SLC24A2: variants seen among roughly 807,000 people sequenced by gnomAD.
SLC24A2 encodes sodium/potassium/calcium exchanger 2.
Under a neutral mutation model 62.0 loss-of-function variants are expected in SLC24A2, and 36 were observed. The ratio of observed to expected loss-of-function variants is 0.58; its 90% CI spans 0.44 to 0.77. SLC24A2 has a LOEUF of 0.77. SLC24A2 is among the 30% of genes least tolerant of loss of function. The pLI is 0.00. For synonymous variants in SLC24A2, 358 were observed against 294.0 expected, an observed-to-expected ratio of 1.22 and a Z score of -2.23; for missense variants, 846 against 817.9, an observed-to-expected ratio of 1.03 and a Z score of -0.42.
At chr9:19,597,563 AT>A (rs1836735240) in intron 4 of SLC24A2, among the ~76,000 whole-genome samples, 1 of 152,208 alleles carries the variant, frequency 6.6e-6, no homozygotes, top group Non-Finnish European at 1.5e-5. Flanking sequence ...TTTGGCAAAG[AT>A]AACTTCACCC....
At chr9:20,039,369 A>C in the SLC24A2 span, among the ~76,000 whole-genome samples, 4 of 152,096 alleles carry the variant, frequency 2.6e-5, no homozygotes, top group African/African-American at 9.7e-5. Context: ...GGGATGCGGC[A>C]GCTGGCAGCA....
chr9:20,127,200 C>T, the SLC24A2 span, among the ~76,000 whole-genome samples: 1 of 152,106 alleles, frequency 6.6e-6, no homozygotes, highest in African/African-American at 2.4e-5. Flanking sequence ...TGTTTCCTCT[C>T]TCCTTCATTC....
At chr9:20,261,813 C>T in the SLC24A2 span, among the ~76,000 whole-genome samples, 2 of 133,254 alleles carry the variant, frequency 1.5e-5, no homozygotes. Context: ...GATCTCGGCT[C>T]ACTGCAAGCT....
Position 19,770,877 on chromosome 9 carries a change from A to C in SLC24A2, c.930+15060T>G, listed in dbSNP as rs562611321. ...TAAGATGGTAAAAAACAGCTCTTTAAATTTCTGTAACCCAACTCTTAGACT... is the reference window on the plus strand; with the variant it reads ...TAAGATGGTAAAAAACAGCTCTTTACATTTCTGTAACCCAACTCTTAGACT... On this transcript the variant is annotated intron_variant, in intron 2 of 10. Coordinates refer to ENST00000341998, the MANE Select transcript of SLC24A2 (RefSeq NM_020344.4). Among the ~76,000 whole-genome samples the C allele has an allele frequency of 4.6e-5, 7 of 152,270 alleles. No individual in the cohort carries two copies. The South Asian group carries it at 1.5e-3, about 32-fold the overall frequency.
chr9:19,794,404 G>A, the SLC24A2 span, among the ~76,000 whole-genome samples: 2 of 152,020 alleles, frequency 1.3e-5, no homozygotes, highest in Non-Finnish European at 2.9e-5. Context: ...TAAACATCAG[G>A]TACACATGGA....
the SLC24A2 span, among the ~76,000 whole-genome samples, chr9:19,907,771 T>C: frequency 1.3e-5 from 2 of 152,106 alleles, no homozygotes; most frequent in East Asian, 1.9e-4. Context: ...GGAACCCAAC[T>C]TACAAGGGAT....
At chr9:20,249,121 T>A in the SLC24A2 span, among the ~76,000 whole-genome samples, 1 of 152,330 alleles carries the variant, frequency 6.6e-6, no homozygotes, top group South Asian at 2.1e-4. Flanking sequence ...GGTAAGTTGA[T>A]TAATCTCTCT....
intron 8 of SLC24A2, among the ~76,000 whole-genome samples, chr9:19,529,222 G>C (rs570447118): frequency 2.6e-5 from 4 of 152,222 alleles, no homozygotes; most frequent in African/African-American, 7.2e-5. Flanking sequence ...GAATTTTAGA[G>C]TTGACTTGTA....
At chr9:19,526,241 CCATT>C (rs1278863120) in intron 9 of SLC24A2, among the ~76,000 whole-genome samples, 1 of 152,188 alleles carries the variant, frequency 6.6e-6, no homozygotes, top group Admixed American at 6.5e-5. Flanking sequence ...TTTTGCTTAT[CCATT>C]CATCAGTTGA....
chr9:20,289,617 C>A, the SLC24A2 span, among the ~76,000 whole-genome samples: 1 of 152,198 alleles, frequency 6.6e-6, no homozygotes, highest in Non-Finnish European at 1.5e-5. Context: ...GCACTGAAGA[C>A]AAAGTCAGGC....
At chr9:19,659,533 A>G (rs1819033921) in intron 2 of SLC24A2, among the ~76,000 whole-genome samples, 1 of 152,130 alleles carries the variant, frequency 6.6e-6, no homozygotes, top group Non-Finnish European at 1.5e-5. Flanking sequence ...AAGGCTAGGA[A>G]CTGAATTCAG....
At chr9:19,715,155 A>C (rs1027753232) in intron 2 of SLC24A2, among the ~76,000 whole-genome samples, 2 of 152,312 alleles carry the variant, frequency 1.3e-5, no homozygotes, top group Non-Finnish European at 2.9e-5. Context: ...AGTATTTCCC[A>C]ATGTCAAGCT....
At chr9:20,286,585 G>T in the SLC24A2 span, among the ~76,000 whole-genome samples, 17 of 152,156 alleles carry the variant, frequency 1.1e-4, no homozygotes, top group South Asian at 2.1e-4. Flanking sequence ...TGCAAGGGGG[G>T]GCTGAGATCT....
intron 2 of SLC24A2, among the ~76,000 whole-genome samples, chr9:19,644,817 G>T (rs56745639): frequency 0.065 from 9,835 of 151,664 alleles, 857 homozygotes; most frequent in African/African-American, 0.2. Context: ...TAAAATATTT[G>T]TTATTATTAA....
At chr9:20,109,581 A>T in the SLC24A2 span, among the ~76,000 whole-genome samples, 1 of 152,196 alleles carries the variant, frequency 6.6e-6, no homozygotes, top group Non-Finnish European at 1.5e-5. Context: ...ATGACAGTTC[A>T]CATGTGTCAT....
At chr9:19,675,810 C>T (rs1371846383) in intron 2 of SLC24A2, among the ~76,000 whole-genome samples, 2 of 152,168 alleles carry the variant, frequency 1.3e-5, no homozygotes, top group Non-Finnish European at 2.9e-5. Context: ...TGTGCCTCCC[C>T]GCCTGCTGTG....
In SLC24A2 at chr9:19,622,073, C is replaced by T. The variant is rs995620414; in HGVS notation, c.969+188G>A. 1.6e-4 allele frequency among the ~76,000 whole-genome samples: 24 copies of T among 152,112 alleles called. 2 individuals carry two copies. The highest frequency in any genetic ancestry group is 1.5e-3 in the East Asian group (8 of 5,196). The stretch of plus-strand genomic sequence containing the variant: ...AACCTAGTCCCAGAAGGCATGTGTC[C>T]ATGAATGCCAGAATTCAGTCATCAC... On this transcript the variant is annotated intron_variant, in intron 3 of 10. Transcript: ENST00000341998.
intron 7 of SLC24A2, among the ~76,000 whole-genome samples, chr9:19,561,277 C>T (rs959466999): frequency 1.6e-4 from 24 of 151,696 alleles, no homozygotes; most frequent in Admixed American, 6.6e-5. Flanking sequence ...CTGTTCTTAT[C>T]CTCTACTTTC....
In SLC24A2 at chr9:19,508,268, G is replaced by C. The variant is rs1184906898; in HGVS notation, c.*7885C>G. ...ACTGAGGCTCCCTCTTCCGAATAGA[G>C]TCTCAGCCCTTTAGAGAAACTCTTC... On this transcript the variant is annotated 3_prime_UTR_variant, in exon 11 of 11. Transcript: ENST00000341998. 2.0e-5 allele frequency: 3 copies of C among 152,192 alleles called. No homozygotes were observed. Among genetic ancestry groups the C allele is most frequent in the Non-Finnish European group, 4.4e-5 (3 of 68,050 alleles). 9.4% of individuals were successfully genotyped at this position (152,192 alleles called of 1,614,324 possible).
Sources: allele counts gnomAD v4.1 joint callset (sites outside exome capture counted in the v4.1 genomes callset), GRCh38; gene constraint gnomAD v4.1.1; transcripts MANE v1.5; gene names NCBI Gene and HGNC (gene_info 2026-07-23, HGNC 2026-07-21).